TBC1D8: variants seen among roughly 807,000 people sequenced by gnomAD.
TBC1D8 encodes BUB2-like protein 1.
Under a neutral mutation model 118.8 loss-of-function variants are expected in TBC1D8, and 65 were observed. The observed-to-expected ratio is 0.55, with a 90% CI of 0.45 to 0.67. TBC1D8 has a LOEUF of 0.67. Ranked by LOEUF, TBC1D8 falls within the 30% of genes least tolerant of loss-of-function variation. The pLI is 0.00. For missense variants in TBC1D8, 1,376 were observed against 1,471.2 expected (o/e 0.94, Z 1.06); for synonymous variants, 566 against 595.8 (o/e 0.95, Z 0.73).
At chr2:101,123,652 A>G (rs1265373126) in intron 1 of TBC1D8, among the ~76,000 whole-genome samples, 1 of 152,228 alleles carries the variant, frequency 6.6e-6, no homozygotes, top group Non-Finnish European at 1.5e-5. Context: ...ACACACTGGA[A>G]CAAATCACCT....
intron 3 of TBC1D8, among the ~76,000 whole-genome samples, chr2:101,055,911 T>C (rs1027454771): frequency 2.0e-5 from 3 of 152,038 alleles, no homozygotes; most frequent in Non-Finnish European, 4.4e-5. Context: ...AAGTTTGAGG[T>C]TACAGTGCAC....
chr2:101,007,991 G>A lies in TBC1D8; in HGVS notation c.3298C>T (p.Leu1100Phe). ...AGAAGTGAAGCTAAAATATGTTCAA[G>A]GGAGACAGTCCAGTCCCTTTCTGCC... is the stretch of plus-strand genomic sequence containing the variant. ...EAAERDWTVSLEHILASLLTE... is the reference protein window; with the variant it reads ...EAAERDWTVSFEHILASLLTE... Residue 1100 changes from leucine to phenylalanine, a missense_variant, in exon 20 of 20, where the codon CTT becomes TTT. Leu to Phe is a conservative substitution (Grantham distance 22, BLOSUM62 0). Coordinates refer to ENST00000409318, the MANE Select transcript of TBC1D8 (RefSeq NM_001330348.2). 1 of 1,614,022 alleles carries A rather than the reference G, an allele frequency of 6.2e-7. No individual in the cohort carries two copies.
chr2:101,151,167 C>A lies in TBC1D8; in HGVS notation c.87G>T (p.Gln29His). The change falls in exon 1 of 20, where the codon CAG becomes CAT. Residue 29 changes from glutamine to histidine, a missense_variant. Physicochemically the swap from Gln to His is conservative, Grantham distance 24. Coordinates refer to ENST00000409318, the MANE Select transcript of TBC1D8 (RefSeq NM_001330348.2). ...CCCCCTCGCCGTGCCCGCGGCGCCG[C>A]TGCAGGATGAAGTAGCAGCTGCTCT... ...TQKSSCYFIL[Q>H]RRRGHGEGGG... 2 of 1,233,602 alleles carry A rather than the reference C, an allele frequency of 1.6e-6. No individual in the cohort carries two copies. The highest frequency in any genetic ancestry group is 2.1e-6 in the Non-Finnish European group (2 of 961,472). The allele number at this position is 1,233,602 out of a possible 1,614,324, so 76.4% of individuals were successfully genotyped here.
At position 101,090,138 on chromosome 2, in the gene TBC1D8, T is replaced by A. The variant is rs1036281560; in HGVS notation, c.283+71A>T. On this transcript the variant is annotated intron_variant, in intron 2 of 19. Transcript: ENST00000409318. ...TATCCAAAGGGGTTACCTTCAAGCT[T>A]CACCAACATGCAGATACTCAGCATG... 53 of 1,514,284 alleles carry A rather than the reference T, an allele frequency of 3.5e-5. No homozygotes were observed. The Admixed American group carries it at 1.1e-3, about 30-fold the overall frequency. 93.8% of individuals were successfully genotyped at this position (1,514,284 alleles called of 1,614,324 possible). A position where few individuals can be genotyped will look rare whatever the true frequency, so the allele number is the denominator to read the frequency against.
At chr2:101,093,872 G>C (rs1676217538) in intron 1 of TBC1D8, among the ~76,000 whole-genome samples, 1 of 152,076 alleles carries the variant, frequency 6.6e-6, no homozygotes, top group African/African-American at 2.4e-5. Context: ...ACCACGCCTA[G>C]CTAATTTTTG....
At chr2:101,050,043 G>T (rs1414336469) in intron 5 of TBC1D8, among the ~76,000 whole-genome samples, 1 of 152,068 alleles carries the variant, frequency 6.6e-6, no homozygotes, top group Non-Finnish European at 1.5e-5. Flanking sequence ...TAGGCAGGAT[G>T]GTCTTGATCT....
In TBC1D8 at chr2:101,059,378, AAGATGGAAAGATGG is replaced by A. The variant is rs759114740; in HGVS notation, c.402+29_402+42del. ...AGTGTTCGGAATGTCTTAAGGAAGA[AAGATGGAAAGATGG>A]GGAGAAACATGAAACTCAGGGGACC... is the stretch of plus-strand genomic sequence containing the variant. On this transcript the variant is annotated intron_variant, in intron 3 of 19. Transcript: ENST00000409318. 6 of 1,473,920 alleles carry A rather than the reference AAGATGGAAAGATGG, an allele frequency of 4.1e-6. No individual in the cohort carries two copies. The Admixed American group carries it at 1.0e-4, about 25-fold the overall frequency. 91.3% of individuals were successfully genotyped at this position (1,473,920 alleles called of 1,614,324 possible).
intron 3 of TBC1D8, among the ~76,000 whole-genome samples, chr2:101,056,810 C>A (rs2121366): frequency 0.62 from 94,788 of 151,924 alleles, 30,198 homozygotes; most frequent in Middle Eastern, 0.75. Flanking sequence ...CTGACCCCTG[C>A]CTTCCTTGAA....
At chr2:101,126,865 C>T (rs1678379001) in intron 1 of TBC1D8, among the ~76,000 whole-genome samples, 1 of 152,152 alleles carries the variant, frequency 6.6e-6, no homozygotes, top group African/African-American at 2.4e-5. Context: ...TTTCTCTGTC[C>T]AATTCTTTGA....
rs111407581 is a variant in TBC1D8 at position 101,056,403 on chromosome 2, C to T, written c.403-2067G>A. ...ATTTTTAGTAGAGACGGGGTTTCACCGTGTTAGCCAGGATGGTCTCGATTT... is the reference window on the plus strand; with the variant it reads ...ATTTTTAGTAGAGACGGGGTTTCACTGTGTTAGCCAGGATGGTCTCGATTT... On this transcript the variant is annotated intron_variant, in intron 3 of 19. Transcript: ENST00000409318. Among the ~76,000 whole-genome samples the T allele has an allele frequency of 2.3e-3, 351 of 151,960 alleles. 3 individuals carry two copies. Among genetic ancestry groups the T allele is most frequent in the African/African-American group, 8.0e-3 (333 of 41,468 alleles).
chr2:101,118,333 A>G (rs1677923730), intron 1 of TBC1D8, among the ~76,000 whole-genome samples: 1 of 152,212 alleles, frequency 6.6e-6, no homozygotes, highest in African/African-American at 2.4e-5. Context: ...AGGAATCCAC[A>G]TTGGAAAAGA....
intron 2 of TBC1D8, among the ~76,000 whole-genome samples, chr2:101,061,649 C>A (rs1682758255): frequency 6.6e-6 from 1 of 152,112 alleles, no homozygotes; most frequent in South Asian, 2.1e-4. Flanking sequence ...AGTCAATGAC[C>A]CTGCCCTGCT....
At chr2:101,065,654 G>A (rs920737896) in intron 2 of TBC1D8, among the ~76,000 whole-genome samples, 1 of 152,150 alleles carries the variant, frequency 6.6e-6, no homozygotes, top group Admixed American at 6.5e-5. Context: ...TCTCACTATA[G>A]AGTTTAAGAA....
chr2:101,018,525 A>G (rs1054908065), intron 17 of TBC1D8, among the ~76,000 whole-genome samples: 1 of 152,244 alleles, frequency 6.6e-6, no homozygotes, highest in African/African-American at 2.4e-5. Context: ...CTTCACAGAA[A>G]GCTGAACACA....
intron 17 of TBC1D8, chr2:101,018,904 A>G (rs1248726828): frequency 6.7e-7 from 1 of 1,491,424 alleles, no homozygotes; most frequent in East Asian, 2.4e-5. Flanking sequence ...ATCAATCTGC[A>G]GTGAAAACTG....
At chr2:101,113,541 T>A (rs1232773807) in intron 1 of TBC1D8, among the ~76,000 whole-genome samples, 2 of 152,192 alleles carry the variant, frequency 1.3e-5, no homozygotes, top group Non-Finnish European at 2.9e-5. Flanking sequence ...CCAGCCAGAT[T>A]TAATCACAAA....
chr2:101,126,432 A>G (rs568180817), intron 1 of TBC1D8, among the ~76,000 whole-genome samples: 8 of 152,292 alleles, frequency 5.3e-5, no homozygotes, highest in African/African-American at 1.7e-4. Context: ...CTGGGTACAT[A>G]TGTCCTGCCC....
At chr2:101,018,368 T>TA (rs1018162057) in intron 17 of TBC1D8, 12 of 157,426 alleles carry the variant, frequency 7.6e-5, no homozygotes, top group Non-Finnish European at 1.5e-4. Flanking sequence ...TGCTTTTTTT[T>TA]AAAAAGCCAA....
At chr2:101,050,705 A>C in intron 4 of TBC1D8, 64 bp from the exon 5 acceptor site, 1 of 1,576,474 alleles carries the variant, frequency 6.3e-7, no homozygotes, top group Non-Finnish European at 8.6e-7. Context: ...TGAGTGTGTC[A>C]GCAAGCAACT....
Sources: allele counts gnomAD v4.1 joint callset (sites outside exome capture counted in the v4.1 genomes callset), GRCh38; gene constraint gnomAD v4.1.1; transcripts MANE v1.5; gene names NCBI Gene and HGNC (gene_info 2026-07-23, HGNC 2026-07-21).